The following TBC1D23 variants were observed in gnomAD, a reference collection of about 807,000 sequenced individuals.
TBC1D23 encodes TBC1 domain family member 23, also known as HCV non-structural protein 4A-transactivated protein 1.
Under a neutral mutation model 91.4 loss-of-function variants are expected in TBC1D23, and 55 were observed. That is an observed-to-expected ratio of 0.60 (90% CI 0.48 to 0.75). The LOEUF (loss-of-function observed/expected upper bound fraction) is 0.75, where lower values mean the gene tolerates loss of function less well. TBC1D23 is among the 30% of genes least tolerant of loss of function. The pLI, the probability that TBC1D23 is intolerant of heterozygous loss-of-function variation, is 0.00. For missense variants in TBC1D23, 725 were observed against 836.1 expected (o/e 0.87, Z 1.64); for synonymous variants, 289 against 281.0 (o/e 1.03, Z -0.28).
At chr3:100,268,065 G>A (rs1163285749) in intron 1 of TBC1D23, among the ~76,000 whole-genome samples, 2 of 152,060 alleles carry the variant, frequency 1.3e-5, no homozygotes, top group African/African-American at 4.8e-5. Context: ...CCAGCTACTT[G>A]GGAGGTTGAG....
chr3:100,286,083 C>G (rs1402186412), intron 4 of TBC1D23, among the ~76,000 whole-genome samples: 3 of 152,126 alleles, frequency 2.0e-5, no homozygotes, highest in Non-Finnish European at 4.4e-5. Context: ...TCTGTGCTAC[C>G]TTGAAGCCAT....
In TBC1D23 at chr3:100,269,062, T is replaced by C. The variant is rs534947761; in HGVS notation, c.53+7991T>C. Among the ~76,000 whole-genome samples the C allele has an allele frequency of 2.2e-4, 34 of 152,364 alleles. No homozygotes were observed. The South Asian group carries it at 3.7e-3, about 17-fold the overall frequency. The stretch of plus-strand genomic sequence containing the variant: ...ATCTTCATGGATTGTGGATCAAAAA[T>C]AAATCTAAGATTTAAAACACCTGTT... On this transcript the variant is annotated intron_variant, in intron 1 of 18. Coordinates refer to ENST00000394144, the MANE Select transcript of TBC1D23 (RefSeq NM_001199198.3).
At chr3:100,302,626 G>A (rs1190793993) in intron 11 of TBC1D23, among the ~76,000 whole-genome samples, 2 of 151,602 alleles carry the variant, frequency 1.3e-5, no homozygotes, top group African/African-American at 2.4e-5. Flanking sequence ...TTGCTCTGTC[G>A]CCCAGGCTGG....
intron 13 of TBC1D23, among the ~76,000 whole-genome samples, chr3:100,309,538 T>TA (rs1286915531): frequency 6.6e-6 from 1 of 151,008 alleles, no homozygotes; most frequent in Non-Finnish European, 1.5e-5. Context: ...GTTTCTTATA[T>TA]AATAAAAAAG....
chr3:100,296,732 C>T (rs1380763949), intron 8 of TBC1D23, among the ~76,000 whole-genome samples: 7 of 151,526 alleles, frequency 4.6e-5, no homozygotes, highest in Non-Finnish European at 8.8e-5. Flanking sequence ...TGGTGGTGGG[C>T]GCCTGTAGTC....
rs1346319977 is a variant in TBC1D23, at chr3:100,261,102, C to T, written c.53+31C>T. ...TGAAAGCCGGGGCTAATTTCCAATG[C>T]CCCTTTATTCTTCCTTCTCACCATC... is the stretch of plus-strand genomic sequence containing the variant. On this transcript the variant is annotated intron_variant, in intron 1 of 18. Coordinates refer to ENST00000394144, the MANE Select transcript of TBC1D23 (RefSeq NM_001199198.3). The T allele has an allele frequency of 1.9e-6, 3 of 1,599,066 alleles. No individual in the cohort carries two copies. The Admixed American group carries it at 5.0e-5, about 27-fold the overall frequency.
At chr3:100,315,461 C>T (rs576452634) in intron 15 of TBC1D23, among the ~76,000 whole-genome samples, 13 of 151,940 alleles carry the variant, frequency 8.6e-5, no homozygotes, top group East Asian at 1.9e-4. Context: ...CGCGCCCGGC[C>T]GAGGCAGATT....
intron 1 of TBC1D23, among the ~76,000 whole-genome samples, chr3:100,262,524 A>G (rs2067520038): frequency 6.6e-6 from 1 of 152,172 alleles, no homozygotes; most frequent in African/African-American, 2.4e-5. Flanking sequence ...CAGGAGTTCC[A>G]GACCAGCCTG....
chr3:100,267,795 T>A (rs530935330), intron 1 of TBC1D23, among the ~76,000 whole-genome samples: 3 of 152,212 alleles, frequency 2.0e-5, no homozygotes, highest in Non-Finnish European at 4.4e-5. Context: ...ACTGTACATT[T>A]GCATAGAGCG....
intron 16 of TBC1D23, among the ~76,000 whole-genome samples, chr3:100,318,736 C>T (rs920439218): frequency 1.3e-5 from 2 of 151,590 alleles, no homozygotes; most frequent in Non-Finnish European, 2.9e-5. Flanking sequence ...CTGCAACCTC[C>T]ACCTCCTGGG....
intron 1 of TBC1D23, chr3:100,279,406 C>T: frequency 3.2e-6 from 1 of 317,382 alleles, no homozygotes; most frequent in Non-Finnish European, 5.9e-6. Context: ...CCCATCTCCT[C>T]TTTAAATTTC....
At chr3:100,309,516 G>T (rs1191356749) in intron 13 of TBC1D23, among the ~76,000 whole-genome samples, 1 of 150,632 alleles carries the variant, frequency 6.6e-6, no homozygotes, top group African/African-American at 2.4e-5. Flanking sequence ...AGAAAGGTCA[G>T]TAGTTTTAAC....
chr3:100,292,577 C>T (rs1260138369), intron 5 of TBC1D23, among the ~76,000 whole-genome samples: 2 of 152,058 alleles, frequency 1.3e-5, no homozygotes, highest in Non-Finnish European at 2.9e-5. Flanking sequence ...CTTTAATTCC[C>T]TCTTGGCCAC....
chr3:100,315,663 C>G (rs938057142), intron 15 of TBC1D23, among the ~76,000 whole-genome samples: 1 of 152,144 alleles, frequency 6.6e-6, no homozygotes, highest in Non-Finnish European at 1.5e-5. Flanking sequence ...ATGAAGGTAG[C>G]ACCAGGCATT....
At chr3:100,275,393 T>G (rs2067640711) in intron 1 of TBC1D23, among the ~76,000 whole-genome samples, 1 of 152,132 alleles carries the variant, frequency 6.6e-6, no homozygotes, top group Non-Finnish European at 1.5e-5. Flanking sequence ...GCTCAATTGA[T>G]CCTCCTGCCT....
Position 100,319,064 on chromosome 3 carries a change from T to TA in TBC1D23, c.1688-4dup. 3 of 1,539,434 alleles carry TA rather than the reference T, an allele frequency of 1.9e-6. No individual in the cohort carries two copies. The highest frequency in any genetic ancestry group is 2.7e-6 in the Non-Finnish European group (3 of 1,128,126). ...TCCATATTTAATACTTTGTATTTTTTATAGATGAAATTGACAGTTCTTCAA... is the reference window on the plus strand; with the variant it reads ...TCCATATTTAATACTTTGTATTTTTTAATAGATGAAATTGACAGTTCTTCAA... On this transcript the variant is annotated splice_polypyrimidine_tract_variant and splice_region_variant and intron_variant, in intron 16 of 18. Coordinates refer to ENST00000394144, the MANE Select transcript of TBC1D23 (RefSeq NM_001199198.3).
chr3:100,319,158 C>A lies in TBC1D23; in HGVS notation c.1777C>A (p.His593Asn). The change falls in exon 17 of 19, where the codon CAT becomes AAT. Residue 593 changes from histidine to asparagine, a missense_variant. His to Asn is a moderately conservative substitution (Grantham distance 68). Transcript: ENST00000394144. The stretch of plus-strand genomic sequence containing the variant: ...GATAAACAAACCAGATGTCAAACAT[C>A]ATTTTCCTTGTAAAGAAGTAAAAGA... ...TWINKPDVKH[H>N]FPCKEVKESG... The A allele has an allele frequency of 6.2e-7, 1 of 1,609,936 alleles. No individual in the cohort carries two copies. Among genetic ancestry groups the A allele is most frequent in the Admixed American group, 1.7e-5 (1 of 59,488 alleles).
chr3:100,263,423 G>A (rs1036340452), intron 1 of TBC1D23, among the ~76,000 whole-genome samples: 1 of 152,220 alleles, frequency 6.6e-6, no homozygotes, highest in Non-Finnish European at 1.5e-5. Flanking sequence ...CAGGGGATGC[G>A]ATGGCTTGGC....
intron 4 of TBC1D23, among the ~76,000 whole-genome samples, chr3:100,286,640 G>A (rs1296850068): frequency 1.3e-5 from 2 of 152,038 alleles, no homozygotes; most frequent in African/African-American, 4.8e-5. Flanking sequence ...TGGAATCACA[G>A]GCATGTGCGA....
Sources: gnomAD v4.1 joint callset for allele counts (sites outside exome capture counted in the v4.1 genomes callset) on GRCh38, gnomAD v4.1.1 for gene constraint, MANE v1.5 for transcripts, NCBI Gene and HGNC (gene_info 2026-07-23, HGNC 2026-07-21) for gene names.